Variants in UTRN observed in about 807,000 individuals in gnomAD.
The protein encoded by UTRN is dystrophin-related protein 1.
Under a neutral mutation model 463.9 loss-of-function variants are expected in UTRN, and 283 were observed. That is an observed-to-expected ratio of 0.61 (90% CI 0.55 to 0.67). UTRN has a LOEUF of 0.67. Among genes scored for constraint, UTRN ranks in the 30% least tolerant of loss-of-function variants. UTRN has a pLI of 0.00. For synonymous variants in UTRN, 1,442 were observed against 1,431.5 expected (o/e 1.01, Z -0.17); for missense variants, 3,922 against 4,084.3 (o/e 0.96, Z 1.08).
At chr6:144,337,165 ACACACACACACAG>A (rs1776782956) in intron 2 of UTRN, among the ~76,000 whole-genome samples, 2 of 140,142 alleles carry the variant, frequency 1.4e-5, no homozygotes, top group African/African-American at 6.2e-5. Flanking sequence ...ACACACACAG[ACACACACACACAG>A]ACACACACAC....
At chr6:144,458,679 C>T in intron 19 of UTRN, 91 bp from the exon 20 acceptor site, 9 of 1,419,210 alleles carry the variant, frequency 6.3e-6, no homozygotes, top group Middle Eastern at 5.3e-4. Context: ...GTGACATTGC[C>T]TCACTATTCT....
chr6:144,689,709 G>T (rs1353752474), intron 52 of UTRN, among the ~76,000 whole-genome samples: 1 of 152,198 alleles, frequency 6.6e-6, no homozygotes, highest in African/African-American at 2.4e-5. Flanking sequence ...GCAGAGGAGT[G>T]ATGTAGACTC....
At chr6:144,641,500 G>T (rs1368504888) in intron 51 of UTRN, among the ~76,000 whole-genome samples, 2 of 152,264 alleles carry the variant, frequency 1.3e-5, no homozygotes, top group South Asian at 2.1e-4. Flanking sequence ...TGCTGGAGGG[G>T]TGTAATGAGG....
In UTRN at chr6:144,437,731, T is replaced by C. The variant is rs769268996; in HGVS notation, c.1226T>C (p.Met409Thr). 1.2e-5 allele frequency: 20 copies of C among 1,613,186 alleles called. No homozygotes were observed. In the South Asian group the frequency reaches 2.1e-4, roughly 17 times the overall value. ...TGGGAGGCTCTTAGGGTGGAGAGTA[T>C]GGACAGACAGTCCCGGTGAGTGGAA... Reference protein sequence around the residue: ...ARWEALRVESMDRQSRLHDVL... With the variant: ...ARWEALRVESTDRQSRLHDVL... Residue 409 changes from methionine to threonine, a missense_variant, in exon 11 of 75, where the codon ATG becomes ACG. Transcript: ENST00000367545.
chr6:144,601,230 T>C (rs1388877874), intron 51 of UTRN, among the ~76,000 whole-genome samples: 1 of 152,224 alleles, frequency 6.6e-6, no homozygotes, highest in East Asian at 1.9e-4. Context: ...AGTCTTATTA[T>C]TTAAGAAATG....
chr6:144,664,886 A>G (rs941192279), intron 51 of UTRN, among the ~76,000 whole-genome samples: 3 of 151,704 alleles, frequency 2.0e-5, no homozygotes, highest in Admixed American at 2.0e-4. Flanking sequence ...ATATATATAT[A>G]TATTTTTAAA....
chr6:144,596,258 A>T (rs1043888046), intron 51 of UTRN, among the ~76,000 whole-genome samples: 1 of 152,180 alleles, frequency 6.6e-6, no homozygotes, highest in African/African-American at 2.4e-5. Flanking sequence ...CTTGCGGGTT[A>T]GGGTACGGGG....
At chr6:144,512,084 T>C (rs1472254305) in intron 35 of UTRN, among the ~76,000 whole-genome samples, 1 of 152,198 alleles carries the variant, frequency 6.6e-6, no homozygotes, top group Admixed American at 6.5e-5. Context: ...CCATGACTTA[T>C]TATCTGTTTA....
At chr6:144,702,037 A>C (rs1023248801) in intron 53 of UTRN, among the ~76,000 whole-genome samples, 1 of 152,220 alleles carries the variant, frequency 6.6e-6, no homozygotes, top group African/African-American at 2.4e-5. Context: ...TTAATTATTC[A>C]TACAGTAGTC....
rs1018636951 is a variant in UTRN, at chr6:144,397,363, G to A, written c.80-5760G>A. Among the ~76,000 whole-genome samples, 10 of 152,200 alleles carry A rather than the reference G, an allele frequency of 6.6e-5. No individual in the cohort carries two copies. In the South Asian group the frequency reaches 2.1e-3, roughly 32 times the overall value. Reference sequence around the variant, plus strand: ...ATAATTGCCTTCAGTTTTGGGCAGAGTGGATGGGTCATTGGGTCATGCTAG... The same window carrying A: ...ATAATTGCCTTCAGTTTTGGGCAGAATGGATGGGTCATTGGGTCATGCTAG... On this transcript the variant is annotated intron_variant, in intron 2 of 74. Coordinates refer to ENST00000367545, the MANE Select transcript of UTRN (RefSeq NM_007124.3).
chr6:144,725,431 C>T (rs1247816120), intron 53 of UTRN, among the ~76,000 whole-genome samples: 3 of 152,228 alleles, frequency 2.0e-5, no homozygotes, highest in Non-Finnish European at 4.4e-5. Context: ...ATCAAGGTTC[C>T]TGTTTCTTCA....
intron 51 of UTRN, among the ~76,000 whole-genome samples, chr6:144,620,618 AT>A (rs1432266814): frequency 1.3e-5 from 2 of 151,916 alleles, no homozygotes; most frequent in African/African-American, 4.8e-5. Flanking sequence ...GTACATCTCT[AT>A]GTCTGTATTT....
At chr6:144,355,266 G>C (rs1435478670) in intron 2 of UTRN, among the ~76,000 whole-genome samples, 3 of 152,120 alleles carry the variant, frequency 2.0e-5, no homozygotes, top group Admixed American at 2.0e-4. Context: ...GGAGTGTAGT[G>C]GTCCAATCTC....
At chr6:144,767,135 T>C (rs1793448260) in intron 58 of UTRN, among the ~76,000 whole-genome samples, 1 of 152,102 alleles carries the variant, frequency 6.6e-6, no homozygotes, top group South Asian at 2.1e-4. Flanking sequence ...ATTTCTGTTT[T>C]GGAGTTTGGG....
chr6:144,593,572 C>T (rs776868883), intron 51 of UTRN, among the ~76,000 whole-genome samples: 14 of 152,136 alleles, frequency 9.2e-5, no homozygotes, highest in Non-Finnish European at 1.8e-4. Context: ...CTGGCCTCTT[C>T]TCACTTGGGC....
chr6:144,605,654 C>G (rs922408127), intron 51 of UTRN, among the ~76,000 whole-genome samples: 7 of 148,424 alleles, frequency 4.7e-5, no homozygotes, highest in African/African-American at 1.5e-4. Context: ...ATCTCAGAAT[C>G]TGTTAACTTC....
intron 35 of UTRN, among the ~76,000 whole-genome samples, chr6:144,512,701 C>T (rs752574083): frequency 4.0e-5 from 6 of 151,758 alleles, no homozygotes; most frequent in Non-Finnish European, 7.4e-5. Flanking sequence ...CCACCACACC[C>T]GGCTAATTTT....
At chr6:144,478,576 T>G (rs1435332475) in intron 25 of UTRN, among the ~76,000 whole-genome samples, 1 of 152,144 alleles carries the variant, frequency 6.6e-6, no homozygotes, top group African/African-American at 2.4e-5. Flanking sequence ...TCTTGTTTGG[T>G]CCTGTCTATT....
intron 58 of UTRN, 80 bp from the exon 59 acceptor site, chr6:144,771,827 T>C: frequency 8.7e-7 from 1 of 1,149,172 alleles, no homozygotes; most frequent in Non-Finnish European, 1.2e-6. Flanking sequence ...AAATCATTTC[T>C]ACTTGGGTAT....
Sources: allele counts gnomAD v4.1 joint callset (sites outside exome capture counted in the v4.1 genomes callset), GRCh38; gene constraint gnomAD v4.1.1; transcripts MANE v1.5; gene names NCBI Gene and HGNC (gene_info 2026-07-23, HGNC 2026-07-21).